KAT6A: variants seen among roughly 807,000 people sequenced by gnomAD.
KAT6A encodes histone acetyltransferase KAT6A.
In KAT6A, 9 loss-of-function variants were observed where a neutral mutation model predicts 198.4. The ratio of observed to expected loss-of-function variants is 0.05; its 90% CI spans 0.03 to 0.08. The LOEUF (loss-of-function observed/expected upper bound fraction) is 0.08. Among genes scored for constraint, KAT6A ranks in the 10% least tolerant of loss-of-function variants. The pLI, the probability that KAT6A is intolerant of heterozygous loss-of-function variation, is 1.00. For synonymous variants in KAT6A, 890 were observed against 883.0 expected (o/e 1.01, Z -0.14); for missense variants, 2,077 against 2,509.9 (o/e 0.83, Z 3.69).
intron 2 of KAT6A, among the ~76,000 whole-genome samples, chr8:42,037,921 C>T (rs1269220808): frequency 6.6e-6 from 1 of 152,106 alleles, no homozygotes; most frequent in Non-Finnish European, 1.5e-5. Context: ...AAATGATGTG[C>T]TGTCTGCGGT....
At chr8:42,040,735 CAAAAA>C (rs59959496) in intron 2 of KAT6A, among the ~76,000 whole-genome samples, 122 of 54,666 alleles carry the variant, frequency 2.2e-3, no homozygotes, top group South Asian at 8.8e-3. Context: ...GACTCTGTCT[CAAAAA>C]AAAAAAAAAA....
At chr8:42,025,410 G>A (rs1484949200) in intron 2 of KAT6A, among the ~76,000 whole-genome samples, 2 of 135,944 alleles carry the variant, frequency 1.5e-5, no homozygotes, top group Non-Finnish European at 3.1e-5. Flanking sequence ...ACGGGGTTTC[G>A]CCATGTTGGG....
Position 41,972,021 on chromosome 8 carries a change from T to C in KAT6A, c.1482+2683A>G, listed in dbSNP as rs564143300. Among the ~76,000 whole-genome samples, 3 of 152,292 alleles carry C rather than the reference T, an allele frequency of 2.0e-5. No homozygotes were observed. The East Asian group carries it at 5.8e-4, about 29-fold the overall frequency. ...ACAACAGTAAGAGCCTAGAACATCT[T>C]GCTGTGGCCAGAAGTAAATAAAAAT... On this transcript the variant is annotated intron_variant, in intron 8 of 16. Coordinates refer to ENST00000265713, the MANE Select transcript of KAT6A (RefSeq NM_006766.5).
Position 41,941,412 on chromosome 8 carries a change from T to C in KAT6A, c.2469A>G (p.Glu823=), listed in dbSNP as rs771740126. ...VGKSVSHENK[E]QDSYSVESEK... ...CACTTTCTACTGAATAAGAATCTTGTTCTTTGTTCTCATGAGACACAGACT... is the reference window on the plus strand; with the variant it reads ...CACTTTCTACTGAATAAGAATCTTGCTCTTTGTTCTCATGAGACACAGACT... Residue 823 remains glutamate, a synonymous_variant, in exon 15 of 17, where the codon GAA becomes GAG. Transcript: ENST00000265713. The C allele has an allele frequency of 6.2e-7, 1 of 1,604,384 alleles. No individual in the cohort carries two copies. Among genetic ancestry groups the C allele is most frequent in the Admixed American group, 1.7e-5 (1 of 59,208 alleles).
chr8:41,933,254 G>A lies in KAT6A; in HGVS notation c.4966C>T (p.Pro1656Ser), dbSNP rs13255386. Residue 1656 changes from proline to serine, a missense_variant, in exon 17 of 17, where the codon CCA becomes TCA. Physicochemically the swap from Pro to Ser is moderately conservative, Grantham distance 74. Coordinates refer to ENST00000265713, the MANE Select transcript of KAT6A (RefSeq NM_006766.5). The surrounding 1 kb of genome is among the most constrained non-coding windows in gnomAD (Gnocchi z 6.2). The part of the protein sequence containing the change: ...NQQQQPPPPP[P>S]QQPQPPPPQP... Reference sequence around the variant, plus strand: ...GGCGGCGGCGGCTGTGGCTGCTGTGGAGGCGGTGGTGGCGGCTGCTGCTGC... The same window carrying A: ...GGCGGCGGCGGCTGTGGCTGCTGTGAAGGCGGTGGTGGCGGCTGCTGCTGC... The A allele has an allele frequency of 6.4e-7, 1 of 1,552,634 alleles. No homozygotes were observed. Among genetic ancestry groups the A allele is most frequent in the Non-Finnish European group, 8.7e-7 (1 of 1,152,164 alleles).
chr8:42,001,489 T>C (rs7009503), intron 2 of KAT6A, among the ~76,000 whole-genome samples: 1,813 of 152,288 alleles, frequency 0.012, 33 homozygotes, highest in African/African-American at 0.042. Flanking sequence ...TTCAAAAAAC[T>C]GTCTAAGACT....
At chr8:41,941,500 T>C (rs929445759) in intron 14 of KAT6A, 56 bp from the exon 15 acceptor site, 14 of 1,515,482 alleles carry the variant, frequency 9.2e-6, no homozygotes, top group East Asian at 4.5e-5. Context: ...TTTGCTTACA[T>C]TTACCTATTC....
Position 41,929,974 on chromosome 8 carries a change from AT to A in KAT6A, c.*2230del, listed in dbSNP as rs997749291. The A allele has an allele frequency of 6.4e-5, 14 of 219,254 alleles. No homozygotes were observed. Among genetic ancestry groups the A allele is most frequent in the East Asian group, 2.0e-4 (3 of 15,002 alleles). The allele number at this position is 219,254 out of a possible 1,614,324, so 13.6% of individuals were successfully genotyped here. ...ACCCAAGTTATCTTGCTAAAAATAC[AT>A]TTTTTTTAAACAGAAGTGAAAAAAT... On this transcript the variant is annotated 3_prime_UTR_variant, in exon 17 of 17. Coordinates refer to ENST00000265713, the MANE Select transcript of KAT6A (RefSeq NM_006766.5).
intron 2 of KAT6A, among the ~76,000 whole-genome samples, chr8:42,021,872 G>A (rs192290237): frequency 7.3e-4 from 111 of 152,344 alleles, no homozygotes; most frequent in African/African-American, 2.5e-3. Context: ...AGGCTGCAGT[G>A]AGCAGAGATC....
chr8:41,999,201 T>C (rs1269599269), intron 2 of KAT6A, among the ~76,000 whole-genome samples: 1 of 152,162 alleles, frequency 6.6e-6, no homozygotes, highest in African/African-American at 2.4e-5. Flanking sequence ...ACATCAAAAA[T>C]GACAATATCC....
At chr8:42,049,928 T>C (rs1470259452) in intron 1 of KAT6A, among the ~76,000 whole-genome samples, 1 of 152,224 alleles carries the variant, frequency 6.6e-6, no homozygotes, top group Non-Finnish European at 1.5e-5. Flanking sequence ...AGAGTAAAAG[T>C]GCTTACTGAA....
chr8:42,005,135 G>A (rs1305445596), intron 2 of KAT6A, among the ~76,000 whole-genome samples: 2 of 152,068 alleles, frequency 1.3e-5, no homozygotes, highest in African/African-American at 4.8e-5. Context: ...CATTTGAATT[G>A]TTTCCAGATT....
At chr8:42,009,242 G>C (rs896501684) in intron 2 of KAT6A, among the ~76,000 whole-genome samples, 1 of 152,044 alleles carries the variant, frequency 6.6e-6, no homozygotes, top group African/African-American at 2.4e-5. Context: ...TAGATCTGCA[G>C]AACTTGAATA....
intron 9 of KAT6A, among the ~76,000 whole-genome samples, chr8:41,950,446 C>T (rs1379209621): frequency 2.6e-5 from 4 of 152,192 alleles, no homozygotes; most frequent in African/African-American, 4.8e-5. Flanking sequence ...TATGTAGATA[C>T]AACGGGTGGC....
intron 3 of KAT6A, among the ~76,000 whole-genome samples, chr8:41,983,305 T>C (rs1457299643): frequency 2.6e-5 from 4 of 152,216 alleles, no homozygotes; most frequent in Non-Finnish European, 4.4e-5. Context: ...GCAAGTTTAT[T>C]ATCAAAACAT....
intron 4 of KAT6A, among the ~76,000 whole-genome samples, 186 bp downstream of exon 4, chr8:41,981,653 A>T (rs951086358): frequency 3.3e-5 from 5 of 152,200 alleles, no homozygotes; most frequent in Non-Finnish European, 1.5e-5. Context: ...AATTACCTAG[A>T]CATAACTGAA....
intron 15 of KAT6A, among the ~76,000 whole-genome samples, chr8:41,939,543 C>T (rs533560383): frequency 7.2e-4 from 109 of 152,226 alleles, no homozygotes; most frequent in African/African-American, 2.4e-3. Flanking sequence ...CTTCCCTATA[C>T]ATACTGATAG....
intron 8 of KAT6A, among the ~76,000 whole-genome samples, chr8:41,968,260 A>C (rs1368890723): frequency 1.3e-5 from 2 of 152,214 alleles, no homozygotes; most frequent in African/African-American, 4.8e-5. Context: ...TCTACAATGA[A>C]CTCAAACAAA....
Position 41,931,427 on chromosome 8 carries a change from G to A in KAT6A, c.*778C>T, listed in dbSNP as rs1821536909. 1 of 207,170 alleles carries A rather than the reference G, an allele frequency of 4.8e-6. No individual in the cohort carries two copies. The highest frequency in any genetic ancestry group is 2.3e-5 in the African/African-American group (1 of 43,800). 12.8% of individuals were successfully genotyped at this position (207,170 alleles called of 1,614,324 possible). A position where few individuals can be genotyped will look rare whatever the true frequency, so the allele number is the denominator to read the frequency against. On this transcript the variant is annotated 3_prime_UTR_variant, in exon 17 of 17. Coordinates refer to ENST00000265713, the MANE Select transcript of KAT6A (RefSeq NM_006766.5). ...ATTCTGCTGTTAATTGAGACTTACA[G>A]TATTTTTGTGTCTCTGAGTGCTGAG...
Sources: gnomAD v4.1 joint callset for allele counts (sites outside exome capture counted in the v4.1 genomes callset) on GRCh38, gnomAD v4.1.1 for gene constraint, Gnocchi (gnomAD v3.1) non-coding constraint, MANE v1.5 for transcripts, NCBI Gene and HGNC (gene_info 2026-07-23, HGNC 2026-07-21) for gene names.